The following ZZEF1 variants were observed in gnomAD, a reference collection of about 807,000 sequenced individuals.
ZZEF1 encodes the protein zinc finger ZZ-type and EF-hand domain-containing protein 1.
In ZZEF1, 157 loss-of-function variants were observed where a neutral mutation model predicts 342.8. The observed-to-expected ratio is 0.46, with a 90% CI of 0.40 to 0.52. The LOEUF (loss-of-function observed/expected upper bound fraction) is 0.52. Ranked by LOEUF, ZZEF1 falls within the 20% of genes least tolerant of loss-of-function variation. The pLI, the probability that ZZEF1 is intolerant of heterozygous loss-of-function variation, is 0.00. For synonymous variants in ZZEF1, 1,505 were observed against 1,429.1 expected (o/e 1.05, Z -1.20); for missense variants, 3,480 against 3,725.6 (o/e 0.93, Z 1.72).
At position 4,085,800 on chromosome 17, in the gene ZZEF1, A is replaced by G. The variant is rs755420316; in HGVS notation, c.2516T>C (p.Val839Ala). 5 of 1,613,864 alleles carry G rather than the reference A, an allele frequency of 3.1e-6. No individual in the cohort carries two copies. The highest frequency in any genetic ancestry group is 4.2e-6 in the Non-Finnish European group (5 of 1,179,970). The change falls in exon 16 of 55, where the codon GTG (valine) becomes GCG (alanine). Residue 839 changes from valine (V) to alanine (A), a missense_variant. Coordinates refer to ENST00000381638, the MANE Select transcript of ZZEF1 (RefSeq NM_015113.4). ...CACAGAGTCTCCATCCACCTTGTCC[A>G]CCACTGATAAAATGAACAATGGCAT... The part of the protein sequence containing the change: ...KELYTHLCDV[V>A]DKVDGDSVPM...
chr17:4,076,467 T>A (rs1009263850), intron 21 of ZZEF1, 170 bp downstream of exon 21: 1 of 828,290 alleles, frequency 1.2e-6, no homozygotes, highest in East Asian at 2.8e-5. Flanking sequence ...CCAGGCCACA[T>A]CGACTTGGAC....
intron 16 of ZZEF1, among the ~76,000 whole-genome samples, chr17:4,084,870 T>A (rs1167425055): frequency 6.6e-6 from 1 of 152,226 alleles, no homozygotes; most frequent in Non-Finnish European, 1.5e-5. Flanking sequence ...CCCAGCACTT[T>A]GGGAGGCTGA....
chr17:4,064,072 G>C (rs899913330), intron 29 of ZZEF1, among the ~76,000 whole-genome samples: 5 of 150,970 alleles, frequency 3.3e-5, no homozygotes, highest in Admixed American at 6.6e-5. Flanking sequence ...GAGGGGGGGG[G>C]GTCTCACTAT....
chr17:4,070,765 T>C lies in ZZEF1; in HGVS notation c.3994A>G (p.Thr1332Ala). 7 of 1,614,172 alleles carry C rather than the reference T, an allele frequency of 4.3e-6. No homozygotes were observed. Among genetic ancestry groups the C allele is most frequent in the Non-Finnish European group, 5.9e-6 (7 of 1,180,036 alleles). The change falls in exon 26 of 55, where the codon ACT becomes GCT. Residue 1332 changes from threonine (T) to alanine (A), a missense_variant. Transcript: ENST00000381638. ...APKTDIVAGS[T>A]IDQAVNATFA... Reference sequence around the variant, plus strand: ...GTGGCGTTCACAGCTTGATCAATAGTGGAACCAGCAACTATATCTGTCTTT... The same window carrying C: ...GTGGCGTTCACAGCTTGATCAATAGCGGAACCAGCAACTATATCTGTCTTT...
At chr17:4,072,261 C>G (rs562168804) in intron 25 of ZZEF1, among the ~76,000 whole-genome samples, 66 of 152,262 alleles carry the variant, frequency 4.3e-4, no homozygotes, top group Admixed American at 7.8e-4. Context: ...TGCTGTAATT[C>G]TAAGGAGAAC....
At chr17:4,130,310 G>A (rs1216322426) in intron 1 of ZZEF1, among the ~76,000 whole-genome samples, 7 of 151,752 alleles carry the variant, frequency 4.6e-5, no homozygotes, top group East Asian at 1.9e-4. Flanking sequence ...AAAATTAGCC[G>A]GGCGTGGTGG....
intron 4 of ZZEF1, among the ~76,000 whole-genome samples, chr17:4,114,019 G>A (rs1217201489): frequency 2.0e-5 from 3 of 152,050 alleles, no homozygotes; most frequent in South Asian, 2.1e-4. Context: ...ACAGTCACAT[G>A]TAAGTACTTA....
At chr17:4,087,377 T>A in intron 14 of ZZEF1, 57 bp downstream of exon 14, 1 of 1,426,288 alleles carries the variant, frequency 7.0e-7, no homozygotes, top group South Asian at 1.3e-5. Context: ...CTTAGAATAG[T>A]AAAACTCATT....
chr17:4,009,542 G>A (rs1173075641), intron 53 of ZZEF1, 62 bp downstream of exon 53: 2 of 1,604,360 alleles, frequency 1.2e-6, no homozygotes, highest in South Asian at 2.2e-5. Flanking sequence ...TCTGCCCTGG[G>A]TAGCAGAGGG....
intron 2 of ZZEF1, among the ~76,000 whole-genome samples, chr17:4,123,310 TC>T (rs1270187067): frequency 1.5e-3 from 159 of 104,890 alleles, no homozygotes; most frequent in Non-Finnish European, 2.8e-3. Context: ...TATATATATA[TC>T]AGAAAAATAT....
chr17:4,080,331 GTTTT>G (rs952608435), intron 18 of ZZEF1, among the ~76,000 whole-genome samples: 6 of 42,674 alleles, frequency 1.4e-4, no homozygotes, highest in African/African-American at 2.4e-4. Context: ...TTTTTTTTTT[GTTTT>G]TTGTTTGTTT....
chr17:4,116,332 T>C (rs979998811), intron 3 of ZZEF1, among the ~76,000 whole-genome samples: 1 of 152,220 alleles, frequency 6.6e-6, no homozygotes, highest in African/African-American at 2.4e-5. Flanking sequence ...ATCTAAGTTT[T>C]ATTTTTTCTT....
At chr17:4,026,725 G>C (rs1435536011) in intron 42 of ZZEF1, among the ~76,000 whole-genome samples, 1 of 151,922 alleles carries the variant, frequency 6.6e-6, no homozygotes, top group African/African-American at 2.4e-5. Flanking sequence ...TTACCATGCT[G>C]GCCAGGCTGG....
rs565517252 is a variant in ZZEF1, at chr17:4,008,497, A to G, written c.8805+386T>C. On this transcript the variant is annotated intron_variant, in intron 54 of 54. Coordinates refer to ENST00000381638, the MANE Select transcript of ZZEF1 (RefSeq NM_015113.4). The surrounding 1 kb of genome is among the most constrained non-coding windows in gnomAD (Gnocchi z 4.2). ...AGCTTTCTGAGCTCCTCAGTCAGTG[A>G]AAAGTGTGAAGCGTCCTGAGACCAA... is the stretch of plus-strand genomic sequence containing the variant. The G allele has an allele frequency of 9.9e-7, 1 of 1,011,124 alleles. No homozygotes were observed. Among genetic ancestry groups the G allele is most frequent in the African/African-American group, 1.7e-5 (1 of 58,252 alleles). The allele number at this position is 1,011,124 out of a possible 1,614,324, so 62.6% of individuals were successfully genotyped here. A position where few individuals can be genotyped will look rare whatever the true frequency, so the allele number is the denominator to read the frequency against.
intron 31 of ZZEF1, 37 bp downstream of exon 31, chr17:4,059,134 A>ATT (rs34838830): frequency 2.8e-4 from 415 of 1,492,740 alleles, no homozygotes; most frequent in African/African-American, 5.8e-4. Flanking sequence ...AAAAAAATAC[A>ATT]TTTTTTTTCT....
chr17:4,103,886 C>T (rs950330916), intron 8 of ZZEF1, among the ~76,000 whole-genome samples: 2 of 152,188 alleles, frequency 1.3e-5, no homozygotes, highest in Non-Finnish European at 1.5e-5. Context: ...TGCCACTGCA[C>T]TCCAATCTGT....
chr17:4,006,706 T>G lies in ZZEF1; in HGVS notation c.*184A>C. The G allele has an allele frequency of 1.5e-6, 1 of 677,130 alleles. No homozygotes were observed. Among genetic ancestry groups the G allele is most frequent in the Non-Finnish European group, 2.7e-6 (1 of 376,634 alleles). The allele number at this position is 677,130 out of a possible 1,614,324, so 41.9% of individuals were successfully genotyped here. A position where few individuals can be genotyped will look rare whatever the true frequency, so the allele number is the denominator to read the frequency against. On this transcript the variant is annotated 3_prime_UTR_variant, in exon 55 of 55. Transcript: ENST00000381638. The stretch of plus-strand genomic sequence containing the variant: ...GGCTTATTTTCACCATGCTACAGCC[T>G]GTGCTTGTGTCCAGCCTACGCACGG...
At chr17:4,123,738 C>T (rs1003544151) in intron 2 of ZZEF1, among the ~76,000 whole-genome samples, 169 bp downstream of exon 2, 12 of 152,030 alleles carry the variant, frequency 7.9e-5, no homozygotes, top group Non-Finnish European at 4.4e-5. Context: ...TAGCCACCAC[C>T]GTACTGGGGA....
intron 46 of ZZEF1, 138 bp downstream of exon 46, chr17:4,019,525 CTCGCCT>C (rs1461282713): frequency 1.5e-6 from 1 of 666,298 alleles, no homozygotes; most frequent in African/African-American, 1.9e-5. Context: ...CACCTCCCAC[CTCGCCT>C]TACAAAGGAC....
Sources: gnomAD v4.1 joint callset for allele counts (sites outside exome capture counted in the v4.1 genomes callset) on GRCh38, gnomAD v4.1.1 for gene constraint, Gnocchi (gnomAD v3.1) non-coding constraint, MANE v1.5 for transcripts, NCBI Gene and HGNC (gene_info 2026-07-23, HGNC 2026-07-21) for gene names.